Variants in RARB observed in about 807,000 individuals in gnomAD.
The protein encoded by RARB is HBV-activated protein.
A neutral mutation model predicts 51.9 loss-of-function variants in RARB; 17 were observed. The ratio of observed to expected loss-of-function variants is 0.33; its 90% CI spans 0.22 to 0.49. The LOEUF (loss-of-function observed/expected upper bound fraction) is 0.49, where lower values mean the gene tolerates loss of function less well. RARB is among the 20% of genes least tolerant of loss of function. RARB has a pLI of 0.99. For missense variants in RARB, 369 were observed against 550.8 expected (o/e 0.67, Z 3.30); for synonymous variants, 215 against 195.4 (o/e 1.10, Z -0.84).
chr3:25,275,518 T>A (rs937873698), intron 5 of RARB, among the ~76,000 whole-genome samples: 27 of 152,170 alleles, frequency 1.8e-4, no homozygotes, highest in African/African-American at 6.0e-4. Flanking sequence ...GCCTGCACCA[T>A]CCGGAAGCTA....
intron 4 of RARB, among the ~76,000 whole-genome samples, chr3:25,171,552 A>T (rs73050373): frequency 0.083 from 10,756 of 129,266 alleles, 588 homozygotes; most frequent in Non-Finnish European, 0.13. Flanking sequence ...GACAGGCAAG[A>T]TGCTGACAAT....
chr3:25,282,384 G>A (rs564084972), intron 5 of RARB, among the ~76,000 whole-genome samples: 12 of 152,168 alleles, frequency 7.9e-5, no homozygotes, highest in East Asian at 1.9e-4. Flanking sequence ...TCACCTTTTC[G>A]GTAAGCCCTG....
At chr3:25,371,317 A>G (rs1169198926) in intron 5 of RARB, among the ~76,000 whole-genome samples, 1 of 152,204 alleles carries the variant, frequency 6.6e-6, no homozygotes, top group Admixed American at 6.5e-5. Context: ...TGGGATGTGG[A>G]CAAGGCTTGG....
chr3:25,193,521 C>A (rs1198567022), intron 5 of RARB, among the ~76,000 whole-genome samples: 1 of 151,988 alleles, frequency 6.6e-6, no homozygotes, highest in African/African-American at 2.4e-5. Flanking sequence ...TCAATTAGCT[C>A]AACTGTAATT....
intron 5 of RARB, among the ~76,000 whole-genome samples, chr3:25,208,407 T>G (rs1701611267): frequency 1.3e-5 from 2 of 152,186 alleles, no homozygotes; most frequent in Admixed American, 6.5e-5. Context: ...ATTCCAGTGA[T>G]TCTGTTGAAT....
intron 5 of RARB, among the ~76,000 whole-genome samples, chr3:25,351,225 C>T (rs914033308): frequency 5.3e-5 from 8 of 152,112 alleles, no homozygotes; most frequent in African/African-American, 1.4e-4. Context: ...TGGAGAGGGG[C>T]GGGCAGGCTT....
rs758356679 is a variant in RARB, at chr3:24,925,381, G to A, written c.-380+66629G>A. Among the ~76,000 whole-genome samples the A allele has an allele frequency of 3.3e-5, 5 of 152,134 alleles. No homozygotes were observed. In the East Asian group the frequency reaches 7.8e-4, roughly 24 times the overall value. ...TCTCAGGCCTGGCATGGTGGCTCAA[G>A]CCTGTAATCCCAGCACTTTGGGAGG... On this transcript the variant is annotated intron_variant, in intron 2 of 11. Transcript: ENST00000383772.
chr3:25,457,206 G>A (rs1467412799), intron 1 of RARB, among the ~76,000 whole-genome samples: 3 of 152,006 alleles, frequency 2.0e-5, no homozygotes, highest in Non-Finnish European at 4.4e-5. Context: ...GCTGGTTCTA[G>A]TGTGCAGCCA....
chr3:24,843,413 C>T (rs1342438013), intron 1 of RARB, among the ~76,000 whole-genome samples: 1 of 152,072 alleles, frequency 6.6e-6, no homozygotes, highest in East Asian at 1.9e-4. Context: ...ACTTCATTGC[C>T]CTGAATTTAC....
At chr3:25,146,507 G>A (rs113504650) in intron 4 of RARB, among the ~76,000 whole-genome samples, 1 of 133,368 alleles carries the variant, frequency 7.5e-6, no homozygotes, top group Non-Finnish European at 1.6e-5. Flanking sequence ...TTGTTTGTTT[G>A]TTTGTTTTTT....
chr3:24,933,328 A>G (rs1695480795), intron 2 of RARB, among the ~76,000 whole-genome samples: 1 of 152,012 alleles, frequency 6.6e-6, no homozygotes, highest in South Asian at 2.1e-4. Flanking sequence ...AAATGAATTT[A>G]TTAGGAAACA....
intron 4 of RARB, among the ~76,000 whole-genome samples, chr3:25,152,392 G>T (rs1284984158): frequency 6.6e-6 from 1 of 152,118 alleles, no homozygotes; most frequent in Admixed American, 6.6e-5. Context: ...GGTACTTTCT[G>T]TTCTTCTTGG....
At chr3:24,950,492 A>T (rs2125405391) in intron 2 of RARB, among the ~76,000 whole-genome samples, 2 of 152,318 alleles carry the variant, frequency 1.3e-5, no homozygotes, top group South Asian at 4.1e-4. Flanking sequence ...AGCTTTGCTC[A>T]AATATGCTAG....
At chr3:25,500,016 TGA>T (rs1423568324) in intron 2 of RARB, among the ~76,000 whole-genome samples, 2 of 152,232 alleles carry the variant, frequency 1.3e-5, no homozygotes, top group African/African-American at 4.8e-5. Flanking sequence ...ATATTTCCTG[TGA>T]GTGTTAGATG....
At chr3:25,184,166 G>GA (rs1264745251) in intron 5 of RARB, among the ~76,000 whole-genome samples, 1 of 150,794 alleles carries the variant, frequency 6.6e-6, no homozygotes, top group Admixed American at 6.6e-5. Flanking sequence ...GCCCAAATCT[G>GA]AAAAAAGCCA....
intron 2 of RARB, among the ~76,000 whole-genome samples, chr3:25,000,206 A>G (rs1248246541): frequency 6.6e-6 from 1 of 152,196 alleles, no homozygotes; most frequent in African/African-American, 2.4e-5. Context: ...AGATTCTGGT[A>G]GTTCCATCAG....
intron 5 of RARB, among the ~76,000 whole-genome samples, chr3:25,581,370 T>C (rs1235022259): frequency 6.6e-6 from 1 of 152,162 alleles, no homozygotes; most frequent in Non-Finnish European, 1.5e-5. Flanking sequence ...TGGGCCTCCC[T>C]GCGTACATAC....
chr3:25,444,173 CTT>C (rs1435385867), intron 1 of RARB, among the ~76,000 whole-genome samples: 1 of 152,186 alleles, frequency 6.6e-6, no homozygotes, highest in African/African-American at 2.4e-5. Context: ...GTTATCCCCA[CTT>C]TGCAGACGCA....
intron 1 of RARB, among the ~76,000 whole-genome samples, chr3:25,450,641 T>C (rs898563394): frequency 1.3e-5 from 2 of 152,126 alleles, no homozygotes; most frequent in Admixed American, 1.3e-4. Context: ...CTTTGTTGTG[T>C]AGGAGGGGCC....
Sources: gnomAD v4.1 joint callset for allele counts (sites outside exome capture counted in the v4.1 genomes callset) on GRCh38, gnomAD v4.1.1 for gene constraint, MANE v1.5 for transcripts, NCBI Gene and HGNC (gene_info 2026-07-23, HGNC 2026-07-21) for gene names.